The following SDK1 variants were observed in gnomAD, a reference collection of about 807,000 sequenced individuals.
SDK1 encodes protein sidekick-1.
SDK1 carries 157 observed loss-of-function variants against 245.5 expected under a neutral mutation model. The observed-to-expected ratio is 0.64, with a 90% confidence interval of 0.56 to 0.73. The LOEUF is 0.73. SDK1 is among the 30% of genes least tolerant of loss of function. The pLI is 0.00. For missense variants in SDK1, 3,583 were observed against 3,002.3 expected, an observed-to-expected ratio of 1.19 and a Z score of -4.52; for synonymous variants, 1,647 against 1,278.5, an observed-to-expected ratio of 1.29 and a Z score of -6.15.
intron 40 of SDK1, among the ~76,000 whole-genome samples, chr7:4,231,292 A>G (rs942458053): frequency 3.3e-5 from 5 of 152,124 alleles, no homozygotes; most frequent in Admixed American, 1.3e-4. Context: ...GGCCAGGCAT[A>G]GTGGCTCATG....
intron 1 of SDK1, among the ~76,000 whole-genome samples, chr7:3,356,553 A>G (rs6967278): frequency 0.53 from 80,785 of 151,718 alleles, 23,055 homozygotes; most frequent in African/African-American, 0.76. Context: ...TCTCTTTCCA[A>G]TGTTTATTTT....
intron 5 of SDK1, among the ~76,000 whole-genome samples, chr7:3,907,244 T>G (rs1778982781): frequency 2.0e-5 from 3 of 152,166 alleles, no homozygotes; most frequent in Non-Finnish European, 4.4e-5. Flanking sequence ...TCAAAAATGT[T>G]TTATCACCCA....
At chr7:3,922,038 C>T (rs1779602835) in intron 5 of SDK1, among the ~76,000 whole-genome samples, 1 of 152,202 alleles carries the variant, frequency 6.6e-6, no homozygotes, top group African/African-American at 2.4e-5. Context: ...GGGCCTCTCA[C>T]CCATGCTCCT....
intron 26 of SDK1, 35 bp from the exon 27 acceptor site, chr7:4,129,873 C>T (rs1290660791): frequency 1.2e-6 from 2 of 1,610,278 alleles, no homozygotes; most frequent in South Asian, 2.2e-5. Context: ...TGGCACCCGC[C>T]TCCTGATAAC....
chr7:3,806,749 G>T (rs1442281820), intron 4 of SDK1, among the ~76,000 whole-genome samples: 1 of 152,168 alleles, frequency 6.6e-6, no homozygotes, highest in Admixed American at 6.5e-5. Flanking sequence ...TTATTGTGTT[G>T]TGTTTGTCAT....
intron 1 of SDK1, among the ~76,000 whole-genome samples, chr7:3,380,914 G>A (rs1781472162): frequency 1.3e-5 from 2 of 152,162 alleles, no homozygotes; most frequent in African/African-American, 4.8e-5. Flanking sequence ...GCCGTCTTTA[G>A]CTGCAAGGAA....
intron 35 of SDK1, among the ~76,000 whole-genome samples, chr7:4,203,539 A>T (rs901507101): frequency 6.6e-6 from 1 of 152,052 alleles, no homozygotes. Context: ...TTTTTAAAAA[A>T]AAAAAGCTTC....
intron 4 of SDK1, among the ~76,000 whole-genome samples, chr7:3,743,008 A>C (rs1779519501): frequency 6.6e-6 from 1 of 152,240 alleles, no homozygotes; most frequent in African/African-American, 2.4e-5. Context: ...TATTCAGTAC[A>C]CATGGTCCTA....
At chr7:3,438,171 T>G (rs1780084416) in intron 1 of SDK1, among the ~76,000 whole-genome samples, 1 of 152,224 alleles carries the variant, frequency 6.6e-6, no homozygotes, top group African/African-American at 2.4e-5. Flanking sequence ...GTCTTTTTGT[T>G]CATTTTATTT....
chr7:4,111,205 C>T (rs1303774485), intron 23 of SDK1, among the ~76,000 whole-genome samples: 2 of 152,216 alleles, frequency 1.3e-5, no homozygotes, highest in Non-Finnish European at 2.9e-5. Context: ...GCTAGTCTCA[C>T]TTATCAAGCA....
intron 1 of SDK1, among the ~76,000 whole-genome samples, chr7:3,477,090 A>G (rs1410510790): frequency 1.3e-5 from 2 of 151,872 alleles, no homozygotes; most frequent in East Asian, 1.9e-4. Flanking sequence ...CTTTGGAATT[A>G]CATGAGCCAT....
intron 18 of SDK1, among the ~76,000 whole-genome samples, chr7:4,050,718 A>G (rs1026939522): frequency 1.3e-5 from 2 of 151,914 alleles, no homozygotes; most frequent in South Asian, 2.1e-4. Context: ...AATTAAGATT[A>G]TTGCTGTTGA....
At chr7:3,765,798 G>C (rs1206632131) in intron 4 of SDK1, among the ~76,000 whole-genome samples, 1 of 152,018 alleles carries the variant, frequency 6.6e-6, no homozygotes, top group Non-Finnish European at 1.5e-5. Context: ...CTATGTAAAA[G>C]GCTGGCTGTT....
In SDK1 at chr7:3,960,510, A is replaced by G. The variant is rs773130907; in HGVS notation, c.1234+1496A>G. On this transcript the variant is annotated intron_variant, in intron 8 of 44. Transcript: ENST00000404826. ...TGTGTCACCCTTCCAGTGCTGTGCCACCCTTCCGGTGCAGCGGCGTGTCAC... is the reference window on the plus strand; with the variant it reads ...TGTGTCACCCTTCCAGTGCTGTGCCGCCCTTCCGGTGCAGCGGCGTGTCAC... 3.2e-4 allele frequency among the ~76,000 whole-genome samples: 48 copies of G among 152,106 alleles called. 1 individual carries two copies. The Middle Eastern group carries it at 0.01, about 32-fold the overall frequency.
At chr7:4,145,017 G>C (rs1013268471) in intron 28 of SDK1, among the ~76,000 whole-genome samples, 5 of 152,194 alleles carry the variant, frequency 3.3e-5, no homozygotes, top group Admixed American at 2.6e-4. Flanking sequence ...GGGGCGGCCA[G>C]TGGAGAGGAG....
At chr7:3,924,669 C>T (rs532447172) in intron 5 of SDK1, among the ~76,000 whole-genome samples, 51 of 152,308 alleles carry the variant, frequency 3.3e-4, no homozygotes, top group Middle Eastern at 3.4e-3. Flanking sequence ...ACCTGCAGTC[C>T]GTCCGTAGCT....
At chr7:4,169,020 G>A (rs1460682266) in intron 32 of SDK1, among the ~76,000 whole-genome samples, 5 of 152,214 alleles carry the variant, frequency 3.3e-5, no homozygotes, top group Admixed American at 1.3e-4. Context: ...CTCTGGGTGC[G>A]CAGGCATGTG....
intron 14 of SDK1, among the ~76,000 whole-genome samples, chr7:3,989,966 C>T (rs916242326): frequency 2.0e-5 from 3 of 152,204 alleles, no homozygotes; most frequent in Admixed American, 1.3e-4. Context: ...GATCCCTGTG[C>T]TGTCTGACTC....
chr7:3,550,997 A>C (rs907953195), intron 1 of SDK1, among the ~76,000 whole-genome samples: 1 of 152,218 alleles, frequency 6.6e-6, no homozygotes, highest in Non-Finnish European at 1.5e-5. Context: ...TGTTGAGTGA[A>C]CTCAACCAGC....
Sources: gnomAD v4.1 joint callset for allele counts (sites outside exome capture counted in the v4.1 genomes callset) on GRCh38, gnomAD v4.1.1 for gene constraint, MANE v1.5 for transcripts, NCBI Gene and HGNC (gene_info 2026-07-23, HGNC 2026-07-21) for gene names.